The following INHBA variants were observed in gnomAD, a reference collection of about 807,000 sequenced individuals.
The protein encoded by INHBA is inhibin subunit beta A.
In INHBA, 1 loss-of-function variant was observed where a neutral mutation model predicts 29.0. The ratio of observed to expected loss-of-function variants is 0.03; its 90% CI spans 0.01 to 0.16. INHBA has a LOEUF of 0.16. INHBA is among the 10% of genes least tolerant of loss of function. The pLI, the probability that INHBA is intolerant of heterozygous loss-of-function variation, is 1.00. For synonymous variants in INHBA, 242 were observed against 216.8 expected, an observed-to-expected ratio of 1.12 and a Z score of -1.02; for missense variants, 376 against 545.4, an observed-to-expected ratio of 0.69 and a Z score of 3.09.
upstream of INHBA, among the ~76,000 whole-genome samples, chr7:41,704,833 C>A (rs1483080152): frequency 6.6e-6 from 1 of 152,086 alleles, no homozygotes; most frequent in South Asian, 2.1e-4. Context: ...GATACTATTT[C>A]TGAGAAGCCT....
chr7:41,700,400 G>A lies in INHBA; in HGVS notation c.-26C>T. 7.1e-7 allele frequency: 1 copy of A among 1,411,708 alleles called. No individual in the cohort carries two copies. The highest frequency in any genetic ancestry group is 9.3e-7 in the Non-Finnish European group (1 of 1,081,030). 87.4% of individuals were successfully genotyped at this position (1,411,708 alleles called of 1,614,324 possible). A position where few individuals can be genotyped will look rare whatever the true frequency, so the allele number is the denominator to read the frequency against. ...CCTGGCAGCAAAAGTTGTTGTGATT[G>A]CCTTTTTAAAAGGCCCTGCTTTTCC... is the stretch of plus-strand genomic sequence containing the variant. On this transcript the variant is annotated 5_prime_UTR_variant, in exon 2 of 3. Transcript: ENST00000242208.
At chr7:41,698,296 C>A (rs1464794698) in intron 2 of INHBA, among the ~76,000 whole-genome samples, 1 of 151,982 alleles carries the variant, frequency 6.6e-6, no homozygotes, top group African/African-American at 2.4e-5. Context: ...TAAAAGTGGT[C>A]AAAGGCATAG....
chr7:41,690,027 C>T lies in INHBA; in HGVS notation c.904G>A (p.Asp302Asn). ...FLMLQARQSE[D>N]HPHRRRRRGL... Reference sequence around the variant, plus strand: ...CGCCGACGCCGGCGATGAGGGTGGTCTTCAGACTGCCGGGCCTGCAGCATG... The same window carrying T: ...CGCCGACGCCGGCGATGAGGGTGGTTTTCAGACTGCCGGGCCTGCAGCATG... The change falls in exon 3 of 3, where the codon GAC becomes AAC. Residue 302 changes from aspartate (D) to asparagine (N), a missense_variant. Coordinates refer to ENST00000242208, the MANE Select transcript of INHBA (RefSeq NM_002192.4). The T allele has an allele frequency of 6.2e-7, 1 of 1,614,104 alleles. No individual in the cohort carries two copies. Among genetic ancestry groups the T allele is most frequent in the South Asian group, 1.1e-5 (1 of 91,090 alleles).
In INHBA at chr7:41,686,993, T is replaced by A. The variant is rs530340924; in HGVS notation, c.*2657A>T. The A allele has an allele frequency of 5.3e-5, 8 of 152,246 alleles. No homozygotes were observed. The highest frequency in any genetic ancestry group is 1.7e-4 in the African/African-American group (7 of 41,474). The allele number at this position is 152,246 out of a possible 1,614,324, so 9.4% of individuals were successfully genotyped here. On this transcript the variant is annotated 3_prime_UTR_variant, in exon 3 of 3. Coordinates refer to ENST00000242208, the MANE Select transcript of INHBA (RefSeq NM_002192.4). Reference sequence around the variant, plus strand: ...TTTTGTAAAGTTGAACATGGCCATCTACTCTTGCCTTAAAACTTTTCTCAC... The same window carrying A: ...TTTTGTAAAGTTGAACATGGCCATCAACTCTTGCCTTAAAACTTTTCTCAC...
chr7:41,697,913 A>T (rs565829037), intron 2 of INHBA, among the ~76,000 whole-genome samples: 140 of 152,340 alleles, frequency 9.2e-4, no homozygotes, highest in African/African-American at 3.2e-3. Context: ...CTTGAAGTTG[A>T]TGTGTGAAAT....
In INHBA at chr7:41,688,305, C is replaced by T. The variant is rs1400514156; in HGVS notation, c.*1345G>A. ...GAATTTGATTGAACTTGATATCCAACAGTGTACAACTACTGTACATCCAGT... is the reference window on the plus strand; with the variant it reads ...GAATTTGATTGAACTTGATATCCAATAGTGTACAACTACTGTACATCCAGT... On this transcript the variant is annotated 3_prime_UTR_variant, in exon 3 of 3. Transcript: ENST00000242208. The T allele has an allele frequency of 2.0e-5, 3 of 152,158 alleles. No individual in the cohort carries two copies. In the East Asian group the frequency reaches 5.8e-4, roughly 29 times the overall value. 9.4% of individuals were successfully genotyped at this position (152,158 alleles called of 1,614,324 possible).
rs550272410 is a variant in INHBA at position 41,702,680 on chromosome 7, G to T, written c.-144+325C>A. ...TCAGGAGTCCTAATAGCAGCATTTAGATAAGTGCAACTTATCAATATTTGG... is the reference window on the plus strand; with the variant it reads ...TCAGGAGTCCTAATAGCAGCATTTATATAAGTGCAACTTATCAATATTTGG... On this transcript the variant is annotated intron_variant, in intron 1 of 2. Coordinates refer to ENST00000242208, the MANE Select transcript of INHBA (RefSeq NM_002192.4). Among the ~76,000 whole-genome samples, 5 of 152,274 alleles carry T rather than the reference G, an allele frequency of 3.3e-5. No homozygotes were observed. In the East Asian group the frequency reaches 9.7e-4, roughly 29 times the overall value.
chr7:41,697,888 A>C (rs1794684919), intron 2 of INHBA, among the ~76,000 whole-genome samples: 1 of 152,198 alleles, frequency 6.6e-6, no homozygotes, highest in Non-Finnish European at 1.5e-5. Context: ...AATACATGAA[A>C]TTACATTAAA....
chr7:41,695,027 T>A (rs1257192692), intron 2 of INHBA, among the ~76,000 whole-genome samples: 1 of 152,212 alleles, frequency 6.6e-6, no homozygotes, highest in African/African-American at 2.4e-5. Context: ...GTTAAGCAAC[T>A]AAGCCCCTTG....
chr7:41,685,461 CAAAACAAAACAA>C lies in INHBA; in HGVS notation c.*4177_*4188del, dbSNP rs1794377591. ...ACTGCATGTAGTATGCAAAACAAAA[CAAAACAAAACAA>C]AAAACAAAGTAAAAAACCAACAAAA... On this transcript the variant is annotated 3_prime_UTR_variant, in exon 3 of 3. Coordinates refer to ENST00000242208, the MANE Select transcript of INHBA (RefSeq NM_002192.4). 10 of 151,916 alleles carry C rather than the reference CAAAACAAAACAA, an allele frequency of 6.6e-5. No individual in the cohort carries two copies. In the South Asian group the frequency reaches 2.1e-3, roughly 32 times the overall value. The allele number at this position is 151,916 out of a possible 1,614,324, so 9.4% of individuals were successfully genotyped here.
chr7:41,686,921 G>A lies in INHBA; in HGVS notation c.*2729C>T, dbSNP rs577754608. 16 of 152,244 alleles carry A rather than the reference G, an allele frequency of 1.1e-4. No homozygotes were observed. Among genetic ancestry groups the A allele is most frequent in the Non-Finnish European group, 1.6e-4 (11 of 68,010 alleles). 9.4% of individuals were successfully genotyped at this position (152,244 alleles called of 1,614,324 possible). On this transcript the variant is annotated 3_prime_UTR_variant, in exon 3 of 3. Coordinates refer to ENST00000242208, the MANE Select transcript of INHBA (RefSeq NM_002192.4). ...TTCTCACACTGTTTCTGCAGGTTCC[G>A]GTACCAAAGAAGATGCAGTTCAAAA... is the stretch of plus-strand genomic sequence containing the variant.
At chr7:41,693,564 A>G (rs1794569257) in intron 2 of INHBA, among the ~76,000 whole-genome samples, 1 of 152,194 alleles carries the variant, frequency 6.6e-6, no homozygotes, top group Non-Finnish European at 1.5e-5. Context: ...TGCATGATCT[A>G]GCCCCACCCC....
chr7:41,698,733 C>A (rs762019137), intron 2 of INHBA, among the ~76,000 whole-genome samples: 45 of 152,152 alleles, frequency 3.0e-4, no homozygotes, highest in Non-Finnish European at 5.1e-4. Flanking sequence ...GCTATCTGCA[C>A]CCCCGGAAAG....
Position 41,689,387 on chromosome 7 carries a change from T to C in INHBA, c.*263A>G. 1 of 440,034 alleles carries C rather than the reference T, an allele frequency of 2.3e-6. No homozygotes were observed. 27.3% of individuals were successfully genotyped at this position (440,034 alleles called of 1,614,324 possible). Reference sequence around the variant, plus strand: ...GTGTGATTTCAGAAGAAATAAAGGGTACACCATTCTCCCTTTCCCTCCCAA... The same window carrying C: ...GTGTGATTTCAGAAGAAATAAAGGGCACACCATTCTCCCTTTCCCTCCCAA... On this transcript the variant is annotated 3_prime_UTR_variant, in exon 3 of 3. Coordinates refer to ENST00000242208, the MANE Select transcript of INHBA (RefSeq NM_002192.4).
Position 41,700,213 on chromosome 7 carries a change from C to A in INHBA, c.162G>T (p.Met54Ile), listed in dbSNP as rs1030538647. The A allele has an allele frequency of 1.2e-6, 2 of 1,613,952 alleles. No homozygotes were observed. The highest frequency in any genetic ancestry group is 1.3e-5 in the African/African-American group (1 of 74,908). Residue 54 changes from methionine (M) to isoleucine (I), a missense_variant, in exon 2 of 3, where the codon ATG becomes ATT. Physicochemically the swap from Met to Ile is conservative, Grantham distance 10 (BLOSUM62 1). Transcript: ENST00000242208. Reference sequence around the variant, plus strand: ...AAATGTGCTTCTTGACGGCCTCCACCATCTCTGGCTGAGAGTTGGGTACAT... The same window carrying A: ...AAATGTGCTTCTTGACGGCCTCCACAATCTCTGGCTGAGAGTTGGGTACAT... ...PKDVPNSQPE[M>I]VEAVKKHILN...
rs1168931621 is a variant in INHBA at position 41,700,484 on chromosome 7, G to GTT, written c.-112_-111dup. On this transcript the variant is annotated 5_prime_UTR_variant, in exon 2 of 3. Transcript: ENST00000242208. ...GGATTTTTTTATTTTTTTTTTTGGTGTTTTTTTTTTCCTTCTCCTCTTCAG... is the reference window on the plus strand; with the variant it reads ...GGATTTTTTTATTTTTTTTTTTGGTGTTTTTTTTTTTTCCTTCTCCTCTTCAG... 67 of 942,764 alleles carry GTT rather than the reference G, an allele frequency of 7.1e-5. No homozygotes were observed. Among genetic ancestry groups the GTT allele is most frequent in the South Asian group, 1.4e-4 (5 of 35,370 alleles). 58.4% of individuals were successfully genotyped at this position (942,764 alleles called of 1,614,324 possible). A position where few individuals can be genotyped will look rare whatever the true frequency, so the allele number is the denominator to read the frequency against.
At chr7:41,704,120 T>G (rs1337883081), upstream of INHBA, among the ~76,000 whole-genome samples, 1 of 152,226 alleles carries the variant, frequency 6.6e-6, no homozygotes, top group Non-Finnish European at 1.5e-5. Flanking sequence ...CCAGATATGT[T>G]GTTTTGTATG....
intron 1 of INHBA, among the ~76,000 whole-genome samples, chr7:41,702,199 C>T (rs534037187): frequency 3.3e-5 from 5 of 152,228 alleles, no homozygotes; most frequent in Non-Finnish European, 7.4e-5. Context: ...TAATAAATAT[C>T]ATTACTACAA....
chr7:41,703,130 T>C (rs1794830285), upstream of INHBA: 1 of 152,222 alleles, frequency 6.6e-6, no homozygotes, highest in African/African-American at 2.4e-5. Context: ...CACCACACAT[T>C]GGTACCACTG....
Sources: allele counts gnomAD v4.1 joint callset (sites outside exome capture counted in the v4.1 genomes callset), GRCh38; gene constraint gnomAD v4.1.1; transcripts MANE v1.5; gene names NCBI Gene and HGNC (gene_info 2026-07-23, HGNC 2026-07-21).